The following BUB1B variants were observed in gnomAD, a reference collection of about 807,000 sequenced individuals.
BUB1B encodes mitotic checkpoint serine/threonine-protein kinase BUB1 beta.
BUB1B carries 86 observed loss-of-function variants against 137.7 expected under a neutral mutation model. That is an observed-to-expected ratio of 0.62 (90% CI 0.52 to 0.75). BUB1B has a LOEUF of 0.75. Among genes scored for constraint, BUB1B ranks in the 30% least tolerant of loss-of-function variants. The probability of loss-of-function intolerance (pLI) is 0.00; values close to 1 mark genes in which losing one functional copy is unlikely to be tolerated. For synonymous variants in BUB1B, 420 were observed against 417.9 expected (o/e 1.00, Z -0.06); for missense variants, 1,130 against 1,236.9 (o/e 0.91, Z 1.30).
intron 1 of BUB1B, among the ~76,000 whole-genome samples, chr15:40,162,703 A>C (rs1431028410): frequency 6.6e-6 from 1 of 152,214 alleles, no homozygotes; most frequent in Non-Finnish European, 1.5e-5. Flanking sequence ...TATTTGAGAA[A>C]GAGGAAGACT....
In BUB1B at chr15:40,183,765, A is replaced by G; in HGVS notation, c.633A>G (p.Glu211=). The G allele has an allele frequency of 6.2e-7, 1 of 1,614,174 alleles. No individual in the cohort carries two copies. The highest frequency in any genetic ancestry group is 1.3e-5 in the African/African-American group (1 of 75,050). Reference sequence around the variant, plus strand: ...AAACTCTGTTGGCACTTGAGAAAGAAGAAGAGGAGGAAGTTTTTGAGTCTT... The same window carrying G: ...AAACTCTGTTGGCACTTGAGAAAGAGGAAGAGGAGGAAGTTTTTGAGTCTT... ...SRQTLLALEK[E]EEEEVFESSV... Residue 211 remains glutamate, a synonymous_variant, in exon 6 of 23, where the codon GAA becomes GAG. Coordinates refer to ENST00000287598, the MANE Select transcript of BUB1B (RefSeq NM_001211.6).
In BUB1B at chr15:40,217,614, G is replaced by T. The variant is rs1402959166; in HGVS notation, c.2797G>T (p.Val933Leu). Residue 933 changes from valine (V) to leucine (L), a missense_variant, in exon 21 of 23, where the codon GTA (valine) becomes TTA (leucine). By Grantham distance (32) the Val-to-Leu change is conservative (BLOSUM62 1). Coordinates refer to ENST00000287598, the MANE Select transcript of BUB1B (RefSeq NM_001211.6). ...TTTTACCCTCAGCGGCTTTCGGACT[G>T]TACAGATCCTGGAAGGACAAAAGAT... is the stretch of plus-strand genomic sequence containing the variant. ...DVFTLSGFRTVQILEGQKILA... is the reference protein window; with the variant it reads ...DVFTLSGFRTLQILEGQKILA... The T allele has an allele frequency of 6.2e-7, 1 of 1,614,124 alleles. No individual in the cohort carries two copies. The highest frequency in any genetic ancestry group is 1.7e-5 in the Admixed American group (1 of 60,008).
chr15:40,185,521 G>A (rs1465179615), intron 7 of BUB1B, 30 bp from the exon 8 acceptor site: 3 of 1,601,806 alleles, frequency 1.9e-6, no homozygotes, highest in Non-Finnish European at 2.6e-6. Context: ...ATAAAACTAT[G>A]GTAATTTTAG....
intron 10 of BUB1B, 92 bp downstream of exon 10, chr15:40,199,819 C>T (rs1413998103): frequency 3.0e-6 from 3 of 997,494 alleles, no homozygotes; most frequent in Non-Finnish European, 4.6e-6. Context: ...CTCCCAACCC[C>T]CATTTAGAGT....
chr15:40,171,345 C>T (rs1227306947), intron 4 of BUB1B, among the ~76,000 whole-genome samples: 2 of 152,074 alleles, frequency 1.3e-5, no homozygotes, highest in Non-Finnish European at 2.9e-5. Flanking sequence ...CCCAGGAGTT[C>T]AAGACTAGTC....
intron 20 of BUB1B, 86 bp from the exon 21 acceptor site, chr15:40,217,410 A>C: frequency 1.1e-4 from 153 of 1,359,648 alleles, no homozygotes; most frequent in Middle Eastern, 2.3e-4. Flanking sequence ...AGATGTACCC[A>C]AGGTACCTTT....
At chr15:40,211,701 G>T (rs2037713787) in intron 18 of BUB1B, among the ~76,000 whole-genome samples, 3 of 152,132 alleles carry the variant, frequency 2.0e-5, no homozygotes, top group Non-Finnish European at 4.4e-5. Flanking sequence ...CTAGTCCAGA[G>T]CCCTTCTGTT....
Position 40,164,570 on chromosome 15 carries a change from T to A in BUB1B, c.36-483T>A, listed in dbSNP as rs967242435. The stretch of plus-strand genomic sequence containing the variant: ...TAGATGATGCATTCAATGGTAGGCA[T>A]AGAATTACTTGTTGCCTTTTTGTCT... On this transcript the variant is annotated intron_variant, in intron 1 of 22. Coordinates refer to ENST00000287598, the MANE Select transcript of BUB1B (RefSeq NM_001211.6). Among the ~76,000 whole-genome samples, 4 of 152,178 alleles carry A rather than the reference T, an allele frequency of 2.6e-5. No homozygotes were observed. In the South Asian group the frequency reaches 8.3e-4, roughly 31 times the overall value.
intron 5 of BUB1B, among the ~76,000 whole-genome samples, chr15:40,182,446 A>G (rs2037306130): frequency 6.6e-6 from 1 of 152,232 alleles, no homozygotes; most frequent in Non-Finnish European, 1.5e-5. Context: ...TTCAGATATT[A>G]CAAGTTCTTT....
chr15:40,199,511 C>T (rs1241621725), intron 9 of BUB1B, 104 bp from the exon 10 acceptor site: 11 of 812,650 alleles, frequency 1.4e-5, no homozygotes, highest in Non-Finnish European at 2.3e-5. Context: ...TCATTTTCAT[C>T]TGTATTAGTA....
At chr15:40,173,138 A>G (rs1190994989) in intron 4 of BUB1B, among the ~76,000 whole-genome samples, 1 of 151,988 alleles carries the variant, frequency 6.6e-6, no homozygotes, top group Non-Finnish European at 1.5e-5. Context: ...TGCAAAAATT[A>G]GCCGCACGTG....
At chr15:40,185,946 C>CT (rs1212960364) in intron 8 of BUB1B, among the ~76,000 whole-genome samples, 1 of 151,836 alleles carries the variant, frequency 6.6e-6, no homozygotes, top group African/African-American at 2.4e-5. Context: ...GTTAAAAGAC[C>CT]ATTTGTTAAT....
intron 2 of BUB1B, among the ~76,000 whole-genome samples, chr15:40,168,236 G>A (rs182603677): frequency 1.3e-5 from 2 of 152,136 alleles, no homozygotes; most frequent in Admixed American, 6.5e-5. Flanking sequence ...GCGTGGTGGC[G>A]CATGCCTGTA....
chr15:40,189,845 G>A (rs569224199), intron 8 of BUB1B, among the ~76,000 whole-genome samples: 2 of 152,286 alleles, frequency 1.3e-5, no homozygotes, highest in African/African-American at 2.4e-5. Context: ...TAATGTACGA[G>A]TACTCCAATT....
In BUB1B at chr15:40,183,752, C is replaced by T; in HGVS notation, c.620C>T (p.Ala207Val). The change falls in exon 6 of 23, where the codon GCA (alanine) becomes GTA (valine). Residue 207 changes from alanine (A) to valine (V), a missense_variant. Physicochemically the swap from Ala to Val is moderately conservative, Grantham distance 64 (BLOSUM62 0). Transcript: ENST00000287598. ...CGAGTGTCTCGGCAAACTCTGTTGG[C>T]ACTTGAGAAAGAAGAAGAGGAGGAA... is the stretch of plus-strand genomic sequence containing the variant. ...QARVSRQTLLALEKEEEEEVF... is the reference protein window; with the variant it reads ...QARVSRQTLLVLEKEEEEEVF... 1 of 1,614,036 alleles carries T rather than the reference C, an allele frequency of 6.2e-7. No individual in the cohort carries two copies. The highest frequency in any genetic ancestry group is 8.5e-7 in the Non-Finnish European group (1 of 1,179,980).
chr15:40,199,523 C>A, intron 9 of BUB1B, 92 bp from the exon 10 acceptor site: 1 of 890,180 alleles, frequency 1.1e-6, no homozygotes, highest in Admixed American at 1.9e-5. Context: ...GTATTAGTAA[C>A]ATATATGTTG....
rs776214483 is a variant in BUB1B at position 40,161,251 on chromosome 15, C to T, written c.31C>T (p.Leu11=). Residue 11 remains leucine, a synonymous_variant, in exon 1 of 23, where the codon CTG becomes TTG. Coordinates refer to ENST00000287598, the MANE Select transcript of BUB1B (RefSeq NM_001211.6). MAAVKKEGGA[L]SEAMSLEGDE... ...GGCGGTGAAGAAGGAAGGGGGTGCT[C>T]TGAGGTAGGTACGGGAGAAAGCTGC... 1 of 1,612,708 alleles carries T rather than the reference C, an allele frequency of 6.2e-7. No homozygotes were observed. Among genetic ancestry groups the T allele is most frequent in the Non-Finnish European group, 8.5e-7 (1 of 1,179,352 alleles).
At chr15:40,220,155 T>TA (rs1412668604) in intron 22 of BUB1B, among the ~76,000 whole-genome samples, 2 of 152,216 alleles carry the variant, frequency 1.3e-5, no homozygotes, top group East Asian at 3.8e-4. Context: ...TAGTCAAGCT[T>TA]ACGATTATCA....
At chr15:40,185,454 A>G (rs1247421548) in intron 7 of BUB1B, 75 bp downstream of exon 7, 21 of 1,581,654 alleles carry the variant, frequency 1.3e-5, no homozygotes, top group Non-Finnish European at 1.7e-6. Flanking sequence ...TATTTTTACC[A>G]TCTCTTTTAA....
Sources: gnomAD v4.1 joint callset for allele counts (sites outside exome capture counted in the v4.1 genomes callset) on GRCh38, gnomAD v4.1.1 for gene constraint, MANE v1.5 for transcripts, NCBI Gene and HGNC (gene_info 2026-07-23, HGNC 2026-07-21) for gene names.